The following COMMD10 variants were observed in gnomAD, a reference collection of about 807,000 sequenced individuals.
COMMD10 encodes COMM domain containing 10.
COMMD10 carries 33 observed loss-of-function variants against 28.9 expected under a neutral mutation model. The observed-to-expected ratio is 1.14, with a 90% CI of 0.87 to 1.53. The LOEUF (loss-of-function observed/expected upper bound fraction) is 1.53, where lower values mean the gene tolerates loss of function less well. COMMD10 is among the 40% of genes most tolerant of loss of function. The pLI, the probability that COMMD10 is intolerant of heterozygous loss-of-function variation, is 0.00. For synonymous variants in COMMD10, 110 were observed against 81.7 expected, an observed-to-expected ratio of 1.35 and a Z score of -1.87; for missense variants, 310 against 233.4, an observed-to-expected ratio of 1.33 and a Z score of -2.14.
At chr5:116,181,135 C>A (rs1242967612) in intron 5 of COMMD10, among the ~76,000 whole-genome samples, 3 of 151,848 alleles carry the variant, frequency 2.0e-5, no homozygotes, top group Non-Finnish European at 4.4e-5. Context: ...CAGAGTGAGA[C>A]CCTGTCTCCA....
At chr5:116,258,845 C>G (rs780260980) in intron 5 of COMMD10, among the ~76,000 whole-genome samples, 1 of 151,538 alleles carries the variant, frequency 6.6e-6, no homozygotes, top group Admixed American at 6.6e-5. Context: ...GTCTGAAACC[C>G]GAATCTACCT....
intron 4 of COMMD10, among the ~76,000 whole-genome samples, chr5:116,100,760 G>A (rs899026735): frequency 4.0e-5 from 6 of 151,662 alleles, no homozygotes; most frequent in East Asian, 1.9e-4. Context: ...ACTTTAATAC[G>A]TCTGTTTTTT....
At chr5:116,118,247 C>A (rs146328470) in intron 4 of COMMD10, among the ~76,000 whole-genome samples, 60 of 152,162 alleles carry the variant, frequency 3.9e-4, no homozygotes, top group African/African-American at 1.3e-3. Flanking sequence ...TCTTATTTTT[C>A]TCCATAATAT....
intron 5 of COMMD10, among the ~76,000 whole-genome samples, chr5:116,268,574 C>T (rs1473956636): frequency 1.3e-5 from 2 of 151,806 alleles, no homozygotes; most frequent in African/African-American, 4.9e-5. Context: ...CTAGAAATAC[C>T]ATTTGACCCA....
At chr5:116,291,445 T>C (rs1751357279) in intron 5 of COMMD10, 72 bp from the exon 6 acceptor site, 1 of 1,042,268 alleles carries the variant, frequency 9.6e-7, no homozygotes, top group Admixed American at 1.9e-5. Flanking sequence ...TATTCTGAGG[T>C]TAGCTGGAGA....
At chr5:116,176,499 GTTA>G (rs1366914466) in intron 5 of COMMD10, among the ~76,000 whole-genome samples, 1 of 151,960 alleles carries the variant, frequency 6.6e-6, no homozygotes, top group Non-Finnish European at 1.5e-5. Flanking sequence ...GTTTACCACT[GTTA>G]TTCCAAGTCC....
At chr5:116,260,769 C>T (rs1263152256) in intron 5 of COMMD10, among the ~76,000 whole-genome samples, 3 of 151,204 alleles carry the variant, frequency 2.0e-5, no homozygotes, top group Non-Finnish European at 2.9e-5. Context: ...AAGATTAGAC[C>T]CCAGGCTTGA....
intron 4 of COMMD10, among the ~76,000 whole-genome samples, chr5:116,096,775 A>G (rs6594938): frequency 0.51 from 77,641 of 151,376 alleles, 22,115 homozygotes; most frequent in Non-Finnish European, 0.65. Flanking sequence ...TATTCTTACT[A>G]CTCTCAAGTG....
chr5:116,243,289 A>G (rs1420330302), intron 5 of COMMD10, among the ~76,000 whole-genome samples: 1 of 152,176 alleles, frequency 6.6e-6, no homozygotes, highest in Non-Finnish European at 1.5e-5. Flanking sequence ...CTCAATTTGC[A>G]TTACATACAT....
intron 5 of COMMD10, among the ~76,000 whole-genome samples, chr5:116,198,097 T>C (rs1004659933): frequency 1.1e-4 from 17 of 152,198 alleles, no homozygotes; most frequent in African/African-American, 4.1e-4. Context: ...AACCTCAGTT[T>C]ATAGCCTTAA....
chr5:116,289,725 C>A (rs1751316618), intron 5 of COMMD10, among the ~76,000 whole-genome samples: 1 of 151,876 alleles, frequency 6.6e-6, no homozygotes, highest in South Asian at 2.1e-4. Flanking sequence ...GAGAGGCATG[C>A]ATGAATACAC....
rs111372910 is a variant in COMMD10, at chr5:116,120,417, C to T, written c.400-13651C>T. Among the ~76,000 whole-genome samples the T allele has an allele frequency of 1.9e-3, 286 of 152,042 alleles. 1 individual carries two copies. The highest frequency in any genetic ancestry group is 6.1e-3 in the Admixed American group (93 of 15,238). ...GGTACAGTGTACACTGCTTCGGTGA[C>T]GGTTGCACTAAAATCTCAGAAATCA... On this transcript the variant is annotated intron_variant, in intron 4 of 6. Coordinates refer to ENST00000274458, the MANE Select transcript of COMMD10 (RefSeq NM_016144.4).
intron 4 of COMMD10, among the ~76,000 whole-genome samples, chr5:116,123,747 G>T (rs975486407): frequency 3.9e-5 from 6 of 152,054 alleles, no homozygotes; most frequent in Admixed American, 6.6e-5. Context: ...TAATTTCAGA[G>T]CCTGTTATTG....
At chr5:116,256,473 A>G (rs1183542963) in intron 5 of COMMD10, among the ~76,000 whole-genome samples, 3 of 151,756 alleles carry the variant, frequency 2.0e-5, no homozygotes, top group African/African-American at 4.9e-5. Flanking sequence ...TGTACGTGAC[A>G]GTTAAGATCT....
chr5:116,274,285 T>C (rs1187281805), intron 5 of COMMD10, among the ~76,000 whole-genome samples: 1 of 151,896 alleles, frequency 6.6e-6, no homozygotes, highest in Non-Finnish European at 1.5e-5. Context: ...TTTGAGACAT[T>C]TGTCTACAAT....
intron 4 of COMMD10, 85 bp downstream of exon 4, chr5:116,092,785 T>C: frequency 9.5e-7 from 1 of 1,054,042 alleles, no homozygotes; most frequent in Non-Finnish European, 1.3e-6. Context: ...AGTGATAATA[T>C]TTTGTTGAGA....
At chr5:116,280,559 T>A (rs1445937348) in intron 5 of COMMD10, among the ~76,000 whole-genome samples, 1 of 151,888 alleles carries the variant, frequency 6.6e-6, no homozygotes, top group East Asian at 1.9e-4. Flanking sequence ...CTTGCCATGG[T>A]ACATTCATCT....
intron 5 of COMMD10, among the ~76,000 whole-genome samples, chr5:116,276,251 C>T (rs1750909221): frequency 6.6e-6 from 1 of 151,434 alleles, no homozygotes. Context: ...GAAATATCTT[C>T]TTTTTTTTCT....
At chr5:116,141,494 A>G (rs928783789) in intron 5 of COMMD10, among the ~76,000 whole-genome samples, 13 of 151,834 alleles carry the variant, frequency 8.6e-5, no homozygotes, top group Non-Finnish European at 1.8e-4. Context: ...ATATATTGCT[A>G]TGGGTAGTAT....
Sources: gnomAD v4.1 joint callset for allele counts (sites outside exome capture counted in the v4.1 genomes callset) on GRCh38, gnomAD v4.1.1 for gene constraint, MANE v1.5 for transcripts, NCBI Gene and HGNC (gene_info 2026-07-23, HGNC 2026-07-21) for gene names.